USP7: variants seen among roughly 807,000 people sequenced by gnomAD.
The protein encoded by USP7 is ubiquitin C-terminal hydrolase 7.
Under a neutral mutation model 162.9 loss-of-function variants are expected in USP7, and 9 were observed. The ratio of observed to expected loss-of-function variants is 0.06; its 90% CI spans 0.03 to 0.10. The LOEUF (loss-of-function observed/expected upper bound fraction) is 0.10. Ranked by LOEUF, USP7 falls within the 10% of genes least tolerant of loss-of-function variation. The probability of loss-of-function intolerance (pLI) is 1.00; values close to 1 mark genes in which losing one functional copy is unlikely to be tolerated. For missense variants in USP7, 715 were observed against 1,373.7 expected (o/e 0.52, Z 7.58); for synonymous variants, 562 against 475.9 (o/e 1.18, Z -2.35).
intron 1 of USP7, chr16:8,936,749 T>C (rs1898759158): frequency 3.0e-6 from 4 of 1,353,212 alleles, no homozygotes; most frequent in Non-Finnish European, 3.8e-6. Flanking sequence ...CACAGAAGCC[T>C]TGTCTTTAGG....
At position 8,963,266 on chromosome 16, in the gene USP7, T is replaced by A; in HGVS notation, c.20A>T (p.Gln7Leu). The change falls in exon 1 of 31, where the codon CAG becomes CTG. Residue 7 changes from glutamine (Q) to leucine (L), a missense_variant. Around this residue, in one of 11 missense-constraint regions of USP7, gnomAD observed 137 missense variants for 123.5 expected, o/e 1.11. Transcript: ENST00000344836. MNHQQQ[Q>L]QQQKAGEQQL... ...CTGCTCGCCCGCTTTCTGCTGCTGC[T>A]GCTGCTGCTGGTGGTTCATGTCGGC... 12 of 1,358,348 alleles carry A rather than the reference T, an allele frequency of 8.8e-6. No homozygotes were observed. The highest frequency in any genetic ancestry group is 1.2e-5 in the Non-Finnish European group (12 of 1,042,330). 84.1% of individuals were successfully genotyped at this position (1,358,348 alleles called of 1,614,324 possible).
chr16:8,902,321 T>G (rs1174870673), intron 17 of USP7, 60 bp downstream of exon 17: 1 of 1,589,764 alleles, frequency 6.3e-7, no homozygotes, highest in African/African-American at 1.3e-5. Context: ...CTGCACTAAG[T>G]GCAGAGGACT....
At chr16:8,898,704 G>C in intron 23 of USP7, 65 bp from the exon 24 acceptor site, 2 of 1,365,264 alleles carry the variant, frequency 1.5e-6, no homozygotes, top group Middle Eastern at 1.9e-4. Context: ...ATATCTGTGA[G>C]TGAGCATAAA....
In USP7 at chr16:8,893,271, T is replaced by A. The variant is rs2061628740; in HGVS notation, c.*727A>T. 6.6e-6 allele frequency: 1 copy of A among 152,260 alleles called. No individual in the cohort carries two copies. Among genetic ancestry groups the A allele is most frequent in the African/African-American group, 2.4e-5 (1 of 41,456 alleles). 9.4% of individuals were successfully genotyped at this position (152,260 alleles called of 1,614,324 possible). On this transcript the variant is annotated 3_prime_UTR_variant, in exon 31 of 31. Coordinates refer to ENST00000344836, the MANE Select transcript of USP7 (RefSeq NM_003470.3). ...CACCTGCTCGTATGAACTGTTGAGA[T>A]CGTAAGTCTGCCAAGGCAGCAGAGT...
chr16:8,937,224 G>A (rs2141243998), intron 1 of USP7, among the ~76,000 whole-genome samples: 2 of 151,826 alleles, frequency 1.3e-5, no homozygotes, highest in South Asian at 4.2e-4. Flanking sequence ...AAAAAAAAAA[G>A]GATTAACACG....
At chr16:8,954,958 C>G (rs1899723918) in intron 1 of USP7, among the ~76,000 whole-genome samples, 1 of 152,046 alleles carries the variant, frequency 6.6e-6, no homozygotes, top group African/African-American at 2.4e-5. Flanking sequence ...GACTCCATCT[C>G]AAAAAATAAA....
At chr16:8,921,421 G>A (rs897479329) in intron 3 of USP7, 126 bp from the exon 4 acceptor site, 32 of 1,126,430 alleles carry the variant, frequency 2.8e-5, no homozygotes, top group Non-Finnish European at 3.8e-5. Context: ...CTTTCGGGTT[G>A]GGGTTAAAGG....
chr16:8,938,792 T>C (rs1273332696), intron 1 of USP7, among the ~76,000 whole-genome samples: 2 of 152,008 alleles, frequency 1.3e-5, no homozygotes, highest in African/African-American at 2.4e-5. Context: ...CCCAAAACAA[T>C]AGTCTACCAA....
In USP7 at chr16:8,963,387, G is replaced by C. The variant is rs1314105737; in HGVS notation, c.-102C>G. 1 of 227,494 alleles carries C rather than the reference G, an allele frequency of 4.4e-6. No individual in the cohort carries two copies. Among genetic ancestry groups the C allele is most frequent in the Non-Finnish European group, 7.1e-6 (1 of 141,382 alleles). The allele number at this position is 227,494 out of a possible 1,614,324, so 14.1% of individuals were successfully genotyped here. ...GGCGGCGGCGGCGGCGGCGGCGGCGGGGCGGCCTCCTCCTCCTCCTCCCGC... is the reference window on the plus strand; with the variant it reads ...GGCGGCGGCGGCGGCGGCGGCGGCGCGGCGGCCTCCTCCTCCTCCTCCCGC... On this transcript the variant is annotated 5_prime_UTR_variant, in exon 1 of 31. Transcript: ENST00000344836.
At chr16:8,943,274 G>C (rs2141251729) in intron 1 of USP7, among the ~76,000 whole-genome samples, 1 of 152,268 alleles carries the variant, frequency 6.6e-6, no homozygotes, top group Non-Finnish European at 1.5e-5. Context: ...GCTGTGTTGT[G>C]CACTGAGAGG....
At chr16:8,940,811 G>A (rs1439712500) in intron 1 of USP7, among the ~76,000 whole-genome samples, 1 of 152,152 alleles carries the variant, frequency 6.6e-6, no homozygotes, top group Non-Finnish European at 1.5e-5. Context: ...GGACATGGTG[G>A]CGCACACCTG....
At chr16:8,934,094 A>G (rs1353736301) in intron 1 of USP7, among the ~76,000 whole-genome samples, 4 of 152,320 alleles carry the variant, frequency 2.6e-5, no homozygotes, top group Non-Finnish European at 5.9e-5. Flanking sequence ...ACGTACACCC[A>G]GTACTTTTAA....
chr16:8,924,771 G>C (rs1031379107), intron 2 of USP7, among the ~76,000 whole-genome samples: 2 of 152,230 alleles, frequency 1.3e-5, no homozygotes, highest in African/African-American at 4.8e-5. Flanking sequence ...TGGGAGGGTA[G>C]TATTGAAATA....
rs1475397308 is a variant in USP7, at chr16:8,924,622, C to G, written c.185-1209G>C. Among the ~76,000 whole-genome samples, 4 of 152,248 alleles carry G rather than the reference C, an allele frequency of 2.6e-5. No individual in the cohort carries two copies. In the East Asian group the frequency reaches 7.7e-4, roughly 29 times the overall value. On this transcript the variant is annotated intron_variant, in intron 2 of 30. Coordinates refer to ENST00000344836, the MANE Select transcript of USP7 (RefSeq NM_003470.3). ...ATCTTCAGGCCCCTGAAGGCAGTCACCATGTCATCCAACAACCCTTCAGAC... is the reference window on the plus strand; with the variant it reads ...ATCTTCAGGCCCCTGAAGGCAGTCAGCATGTCATCCAACAACCCTTCAGAC...
At chr16:8,947,567 C>T (rs1198551382) in intron 1 of USP7, among the ~76,000 whole-genome samples, 1 of 152,160 alleles carries the variant, frequency 6.6e-6, no homozygotes, top group Admixed American at 6.5e-5. Context: ...AGGCTCGTCT[C>T]GAACTTCCGG....
chr16:8,937,728 G>C (rs891038544), intron 1 of USP7, among the ~76,000 whole-genome samples: 2 of 152,114 alleles, frequency 1.3e-5, no homozygotes, highest in Non-Finnish European at 2.9e-5. Context: ...TCAGCATTAT[G>C]CACCTAAATA....
intron 23 of USP7, 134 bp from the exon 24 acceptor site, chr16:8,898,773 T>G: frequency 1.4e-6 from 1 of 694,036 alleles, no homozygotes; most frequent in Non-Finnish European, 2.3e-6. Flanking sequence ...GGGTTTAACT[T>G]AATACTCCTG....
At chr16:8,929,325 C>T (rs866529308) in intron 2 of USP7, 82 of 369,170 alleles carry the variant, frequency 2.2e-4, no homozygotes, top group African/African-American at 1.6e-3. Flanking sequence ...GGAAAGCGCA[C>T]TCCACAGGTA....
chr16:8,902,570 CAT>C (rs962811253), intron 16 of USP7, 88 bp from the exon 17 acceptor site: 1,601 of 959,250 alleles, frequency 1.7e-3, no homozygotes, highest in Non-Finnish European at 1.8e-3. Context: ...TATACATATA[CAT>C]ATATATATAT....
Sources: gnomAD v4.1 joint callset for allele counts (sites outside exome capture counted in the v4.1 genomes callset) on GRCh38, gnomAD v4.1.1 for gene constraint, gnomAD v4.1.1 regional missense constraint, MANE v1.5 for transcripts, NCBI Gene and HGNC (gene_info 2026-07-23, HGNC 2026-07-21) for gene names.